Variants in APCDD1 observed in about 807,000 individuals in gnomAD.
APCDD1 encodes the protein APC down-regulated 1.
APCDD1 carries 15 observed loss-of-function variants against 38.1 expected under a neutral mutation model. The ratio of observed to expected loss-of-function variants is 0.39; its 90% CI spans 0.26 to 0.61. The LOEUF (loss-of-function observed/expected upper bound fraction) is 0.61, where lower values mean the gene tolerates loss of function less well. Among genes scored for constraint, APCDD1 ranks in the 20% least tolerant of loss-of-function variants. APCDD1 has a pLI of 0.49. For missense variants in APCDD1, 647 were observed against 696.2 expected, an observed-to-expected ratio of 0.93 and a Z score of 0.79; for synonymous variants, 261 against 279.7, an observed-to-expected ratio of 0.93 and a Z score of 0.67.
In APCDD1 at chr18:10,485,357, T is replaced by C. The variant is rs1159897882; in HGVS notation, c.775-105T>C. The stretch of plus-strand genomic sequence containing the variant: ...TGGTTCTTGGTGTCGAGGTTGTCAG[T>C]GATGGTGATCTGGTGCCTGGTGAGA... On this transcript the variant is annotated intron_variant, in intron 3 of 4. Coordinates refer to ENST00000355285, the MANE Select transcript of APCDD1 (RefSeq NM_153000.5). This position sits in a 1 kb window ranked among gnomAD's most constrained non-coding sequence, Gnocchi z 5.8. 7.9e-7 allele frequency: 1 copy of C among 1,268,756 alleles called. No individual in the cohort carries two copies. The highest frequency in any genetic ancestry group is 1.7e-5 in the Admixed American group (1 of 59,230). 78.6% of individuals were successfully genotyped at this position (1,268,756 alleles called of 1,614,324 possible). A position where few individuals can be genotyped will look rare whatever the true frequency, so the allele number is the denominator to read the frequency against.
rs538795 is a variant in APCDD1, at chr18:10,487,446, T to C, written c.1097-144T>C. The C allele has an allele frequency of 0.47, 366,842 of 778,644 alleles. 88,448 individuals are homozygous for C. The highest frequency in any genetic ancestry group is 0.65 in the East Asian group (24,455 of 37,564). 48.2% of individuals were successfully genotyped at this position (778,644 alleles called of 1,614,324 possible). A position where few individuals can be genotyped will look rare whatever the true frequency, so the allele number is the denominator to read the frequency against. On this transcript the variant is annotated intron_variant, in intron 4 of 4. Transcript: ENST00000355285. ...CTGACAGTGCTTTGATGACTACTGC[T>C]GTCAGATGGGTGGGTCTGTAGGTGG...
At chr18:10,474,457 C>T (rs540222091) in intron 3 of APCDD1, among the ~76,000 whole-genome samples, 27 of 152,334 alleles carry the variant, frequency 1.8e-4, no homozygotes, top group African/African-American at 6.5e-4. Context: ...AGTGCGAGGT[C>T]TGAGTGAGGA....
At chr18:10,482,093 G>A (rs1394468071) in intron 3 of APCDD1, among the ~76,000 whole-genome samples, 1 of 152,044 alleles carries the variant, frequency 6.6e-6, no homozygotes, top group Admixed American at 6.6e-5. Context: ...GCTCCTCGAC[G>A]TCATCCCAGA....
intron 3 of APCDD1, among the ~76,000 whole-genome samples, chr18:10,484,541 C>T (rs2031207754): frequency 1.3e-5 from 2 of 152,128 alleles, no homozygotes; most frequent in African/African-American, 4.8e-5. Context: ...ACTTTTTCAT[C>T]TTCCCAGACT....
chr18:10,454,805 AG>A lies in APCDD1; in HGVS notation c.-176del. The A allele has an allele frequency of 1.0e-6, 1 of 982,190 alleles. No individual in the cohort carries two copies. The highest frequency in any genetic ancestry group is 1.2e-6 in the Non-Finnish European group (1 of 829,644). 60.8% of individuals were successfully genotyped at this position (982,190 alleles called of 1,614,324 possible). On this transcript the variant is annotated 5_prime_UTR_variant, in exon 1 of 5. Coordinates refer to ENST00000355285, the MANE Select transcript of APCDD1 (RefSeq NM_153000.5). ...CACAGCCGCCCGACGGCGCCCAGAG[AG>A]CGCGCGCCCCGCAGCCCCGCGCCTA...
At chr18:10,483,655 G>A (rs983528499) in intron 3 of APCDD1, among the ~76,000 whole-genome samples, 1 of 152,212 alleles carries the variant, frequency 6.6e-6, no homozygotes, top group African/African-American at 2.4e-5. Context: ...TTAGAGAACT[G>A]CTAGAGAACA....
chr18:10,467,378 G>A lies in APCDD1; in HGVS notation c.59-1091G>A, dbSNP rs1192280468. ...TGTATATTTAAAAAAAGTTTGTACA[G>A]TTGTCTAACTAGTGTCTTTTCTGCT... On this transcript the variant is annotated intron_variant, in intron 1 of 4. Coordinates refer to ENST00000355285, the MANE Select transcript of APCDD1 (RefSeq NM_153000.5). This position sits in a 1 kb window ranked among gnomAD's most constrained non-coding sequence, Gnocchi z 4.8. Among the ~76,000 whole-genome samples, 1 of 152,206 alleles carries A rather than the reference G, an allele frequency of 6.6e-6. No homozygotes were observed. Among genetic ancestry groups the A allele is most frequent in the Admixed American group, 6.5e-5 (1 of 15,284 alleles).
chr18:10,461,878 A>C (rs2030550842), intron 1 of APCDD1, among the ~76,000 whole-genome samples: 1 of 152,108 alleles, frequency 6.6e-6, no homozygotes, highest in South Asian at 2.1e-4. Context: ...TTGTGTGTGT[A>C]CTCTCACATA....
rs777858533 is a variant in APCDD1, at chr18:10,476,348, G to A, written c.774+4287G>A. 18 of 152,262 alleles carry A rather than the reference G, an allele frequency of 1.2e-4. No homozygotes were observed. Among genetic ancestry groups the A allele is most frequent in the Non-Finnish European group, 2.6e-4 (18 of 68,062 alleles). The allele number at this position is 152,262 out of a possible 1,614,324, so 9.4% of individuals were successfully genotyped here. The stretch of plus-strand genomic sequence containing the variant: ...GTCCTTTGGCAAATAAGTGACGTTT[G>A]AAGAGATTCAGGTGTGCTGGGAGGG... On this transcript the variant is annotated intron_variant, in intron 3 of 4. Coordinates refer to ENST00000355285, the MANE Select transcript of APCDD1 (RefSeq NM_153000.5). This position sits in a 1 kb window ranked among gnomAD's most constrained non-coding sequence, Gnocchi z 5.8.
chr18:10,466,439 C>T (rs573222093), intron 1 of APCDD1, among the ~76,000 whole-genome samples: 7 of 152,308 alleles, frequency 4.6e-5, no homozygotes, highest in South Asian at 2.1e-4. Flanking sequence ...TAGTTCCCCC[C>T]GAATGTTTCA....
intron 1 of APCDD1, among the ~76,000 whole-genome samples, chr18:10,461,386 A>G (rs476858): frequency 0.27 from 40,404 of 152,106 alleles, 5,960 homozygotes; most frequent in African/African-American, 0.4. Context: ...CAGGGCCCAG[A>G]CCATTGGACC....
intron 2 of APCDD1, 31 bp downstream of exon 2, chr18:10,468,683 C>T (rs887170930): frequency 6.2e-7 from 1 of 1,608,272 alleles, no homozygotes; most frequent in African/African-American, 1.3e-5. Context: ...TGGGAGAGGC[C>T]AGAGAGCACA....
intron 1 of APCDD1, among the ~76,000 whole-genome samples, chr18:10,459,338 ACAG>A (rs2030470424): frequency 6.6e-6 from 1 of 151,952 alleles, no homozygotes; most frequent in Non-Finnish European, 1.5e-5. Context: ...ACACACACAC[ACAG>A]ACCACAACTG....
At chr18:10,458,456 A>G (rs781432258) in intron 1 of APCDD1, among the ~76,000 whole-genome samples, 8 of 152,360 alleles carry the variant, frequency 5.3e-5, no homozygotes, top group Non-Finnish European at 1.0e-4. Context: ...CCAAGAAAAC[A>G]TTCTTTCCTG....
intron 3 of APCDD1, among the ~76,000 whole-genome samples, chr18:10,483,537 C>T (rs577172884): frequency 2.0e-5 from 3 of 152,332 alleles, no homozygotes; most frequent in African/African-American, 7.2e-5. Flanking sequence ...GCTGGGAAGC[C>T]CACAGCTCTT....
At chr18:10,456,262 G>C (rs2030378932) in intron 1 of APCDD1, among the ~76,000 whole-genome samples, 1 of 152,148 alleles carries the variant, frequency 6.6e-6, no homozygotes, top group South Asian at 2.1e-4. Flanking sequence ...TTTAACAGTC[G>C]GGATGGAAGG....
At chr18:10,455,096 G>A in intron 1 of APCDD1, 57 bp downstream of exon 1, 1 of 1,542,500 alleles carries the variant, frequency 6.5e-7, no homozygotes, top group Non-Finnish European at 8.7e-7. Context: ...CCCGGGCGCC[G>A]CGGAGCCCGC....
intron 3 of APCDD1, among the ~76,000 whole-genome samples, chr18:10,473,286 C>A (rs34298408): frequency 0.098 from 14,857 of 152,164 alleles, 878 homozygotes; most frequent in Middle Eastern, 0.16. Context: ...AGAAAGCCCA[C>A]CTGGTGGAGG....
In APCDD1 at chr18:10,454,722, C is replaced by A. The variant is rs2030319153; in HGVS notation, c.-260C>A. On this transcript the variant is annotated 5_prime_UTR_variant, in exon 1 of 5. Transcript: ENST00000355285. ...GGCCGGGGCGGGACGCGGGGCCGGG[C>A]GCGGAGAAGTCGGGGCGGGCGGCAG... 2.1e-5 allele frequency: 21 copies of A among 982,360 alleles called. No individual in the cohort carries two copies. The highest frequency in any genetic ancestry group is 2.4e-5 in the Non-Finnish European group (20 of 829,194). 60.9% of individuals were successfully genotyped at this position (982,360 alleles called of 1,614,324 possible).
Sources: gnomAD v4.1 joint callset for allele counts (sites outside exome capture counted in the v4.1 genomes callset) on GRCh38, gnomAD v4.1.1 for gene constraint, Gnocchi (gnomAD v3.1) non-coding constraint, MANE v1.5 for transcripts, NCBI Gene and HGNC (gene_info 2026-07-23, HGNC 2026-07-21) for gene names.